DYNC2LI1: variants seen among roughly 807,000 people sequenced by gnomAD.
DYNC2LI1 encodes the protein dynein cytoplasmic 2 light intermediate chain 1.
Under a neutral mutation model 51.9 loss-of-function variants are expected in DYNC2LI1, and 45 were observed. The ratio of observed to expected loss-of-function variants is 0.87; its 90% confidence interval spans 0.68 to 1.11. DYNC2LI1 has a LOEUF of 1.11. Among genes scored for constraint, DYNC2LI1 ranks in the 50% most tolerant of loss-of-function variants. The pLI, the probability that DYNC2LI1 is intolerant of heterozygous loss-of-function variation, is 0.00. For missense variants in DYNC2LI1, 490 were observed against 417.4 expected (o/e 1.17, Z -1.51); for synonymous variants, 130 against 137.8 (o/e 0.94, Z 0.40).
chr2:43,824,436 A>G, the DYNC2LI1 span: 1 of 1,613,572 alleles, frequency 6.2e-7, no homozygotes, highest in African/African-American at 1.3e-5. Flanking sequence ...AGGTCCACTA[A>G]AAGTTTTTCC....
chr2:43,803,915 T>C (rs1001884804), intron 10 of DYNC2LI1, among the ~76,000 whole-genome samples: 2 of 152,312 alleles, frequency 1.3e-5, no homozygotes, highest in Admixed American at 1.3e-4. Context: ...AAGTAACACA[T>C]AAAGATATCT....
At chr2:43,792,491 A>G (rs1022980665) in intron 5 of DYNC2LI1, among the ~76,000 whole-genome samples, 6 of 152,172 alleles carry the variant, frequency 3.9e-5, no homozygotes, top group Non-Finnish European at 5.9e-5. Flanking sequence ...ATACTCCTAG[A>G]TTTACAAATG....
chr2:43,794,543 G>A lies in DYNC2LI1; in HGVS notation c.407G>A (p.Ser136Asn), dbSNP rs1362100213. The change falls in exon 6 of 13, where the codon AGC (serine) becomes AAC (asparagine). Residue 136 changes from serine (S) to asparagine (N), a missense_variant. Transcript: ENST00000260605. ...GAAAATCTCTTGCAAGCCACAAAAAGCCATGTAGACAAAGTGATAATGAAA... is the reference window on the plus strand; with the variant it reads ...GAAAATCTCTTGCAAGCCACAAAAAACCATGTAGACAAAGTGATAATGAAA... ...TMENLLQATK[S>N]HVDKVIMKLG... 2.5e-6 allele frequency: 4 copies of A among 1,613,902 alleles called. No individual in the cohort carries two copies. Among genetic ancestry groups the A allele is most frequent in the African/African-American group, 2.7e-5 (2 of 74,906 alleles).
At chr2:43,804,585 TG>T in intron 10 of DYNC2LI1, 56 bp from the exon 11 acceptor site, 1 of 1,087,796 alleles carries the variant, frequency 9.2e-7, no homozygotes, top group Non-Finnish European at 1.3e-6. Flanking sequence ...CTTTTATTGG[TG>T]GAGTTTGTAA....
chr2:43,783,518 A>G lies in DYNC2LI1; in HGVS notation c.127-2A>G. 1 of 1,531,456 alleles carries G rather than the reference A, an allele frequency of 6.5e-7. No homozygotes were observed. The highest frequency in any genetic ancestry group is 1.3e-5 in the South Asian group (1 of 77,234). The allele number at this position is 1,531,456 out of a possible 1,614,324, so 94.9% of individuals were successfully genotyped here. A position where few individuals can be genotyped will look rare whatever the true frequency, so the allele number is the denominator to read the frequency against. On this transcript the variant is annotated splice_acceptor_variant, in intron 2 of 12. Transcript: ENST00000260605. LOFTEE classifies it high-confidence loss of function. Reference sequence around the variant, plus strand: ...CAGTGTTCCTTCTTTTTTAATTTCCAGGGAAAGACTACTATTATTCTAAGG... The same window carrying G: ...CAGTGTTCCTTCTTTTTTAATTTCCGGGGAAAGACTACTATTATTCTAAGG...
the DYNC2LI1 span, chr2:43,822,531 C>T: frequency 2.0e-6 from 2 of 981,728 alleles, no homozygotes; most frequent in East Asian, 1.2e-4. Context: ...TCTTCTCTGG[C>T]CCAGGCCCTG....
At chr2:43,798,703 TG>T (rs1372647587) in intron 8 of DYNC2LI1, among the ~76,000 whole-genome samples, 1 of 152,220 alleles carries the variant, frequency 6.6e-6, no homozygotes, top group African/African-American at 2.4e-5. Context: ...ACTTTGAGAA[TG>T]GCTTCATCTC....
the DYNC2LI1 span, among the ~76,000 whole-genome samples, chr2:43,822,323 T>C: frequency 6.6e-6 from 1 of 152,154 alleles, no homozygotes; most frequent in South Asian, 2.1e-4. Flanking sequence ...TGAAACTCTC[T>C]CCTTCCTCAT....
the DYNC2LI1 span, among the ~76,000 whole-genome samples, chr2:43,825,701 G>A: frequency 1.3e-5 from 2 of 150,828 alleles, no homozygotes; most frequent in East Asian, 4.0e-4. Context: ...CAACCTCCTG[G>A]GTTCAAGCGA....
chr2:43,802,966 A>G (rs1415985005), intron 10 of DYNC2LI1, among the ~76,000 whole-genome samples: 1 of 152,218 alleles, frequency 6.6e-6, no homozygotes, highest in East Asian at 1.9e-4. Context: ...AACCACAATG[A>G]AATATCACTA....
rs4952683 is a variant in DYNC2LI1 at position 43,809,661 on chromosome 2, A to G, written c.994-44A>G. ...CAGTTTTAAGGTGCCTCCTTGAATT[A>G]GTAAAGTTGATTTTTCTTAAAGTGA... On this transcript the variant is annotated intron_variant, in intron 12 of 12. Coordinates refer to ENST00000260605, the MANE Select transcript of DYNC2LI1 (RefSeq NM_016008.4). 0.21 allele frequency: 305,792 copies of G among 1,439,108 alleles called. 35,432 individuals are homozygous for G. Among genetic ancestry groups the G allele is most frequent in the African/African-American group, 0.41 (28,805 of 70,648 alleles). 89.1% of individuals were successfully genotyped at this position (1,439,108 alleles called of 1,614,324 possible).
intron 8 of DYNC2LI1, among the ~76,000 whole-genome samples, chr2:43,799,041 C>T (rs980087948): frequency 6.6e-6 from 1 of 152,072 alleles, no homozygotes; most frequent in African/African-American, 2.4e-5. Flanking sequence ...GTAGCTCTTG[C>T]CTCTAATCTC....
intron 2 of DYNC2LI1, among the ~76,000 whole-genome samples, chr2:43,779,531 G>A (rs1047786911): frequency 6.6e-6 from 1 of 152,214 alleles, no homozygotes; most frequent in Admixed American, 6.5e-5. Context: ...GAAGCAACTT[G>A]TGTATCAGGA....
intron 2 of DYNC2LI1, 103 bp from the exon 3 acceptor site, chr2:43,783,417 T>A (rs1051338589): frequency 6.8e-6 from 6 of 877,878 alleles, no homozygotes; most frequent in Non-Finnish European, 1.1e-5. Flanking sequence ...TAATTTATCA[T>A]TCAATTGATT....
chr2:43,801,493 TG>T (rs1343533838), intron 9 of DYNC2LI1, 145 bp from the exon 10 acceptor site: 1 of 515,992 alleles, frequency 1.9e-6, no homozygotes, highest in African/African-American at 2.0e-5. Flanking sequence ...TCACTTAAAT[TG>T]ATAGTCACTC....
intron 7 of DYNC2LI1, 143 bp from the exon 8 acceptor site, chr2:43,796,575 A>G: frequency 1.6e-6 from 1 of 623,458 alleles, no homozygotes; most frequent in East Asian, 2.8e-5. Context: ...CTCTCTATGA[A>G]ATAAATATCA....
At chr2:43,823,062 T>G in the DYNC2LI1 span, 8 of 1,308,514 alleles carry the variant, frequency 6.1e-6, no homozygotes, top group Non-Finnish European at 8.6e-6. Flanking sequence ...GGTTCCCTAG[T>G]CATAGAAGGA....
the DYNC2LI1 span, chr2:43,822,694 C>A: frequency 7.1e-7 from 1 of 1,416,320 alleles, no homozygotes. Flanking sequence ...AGTGTAGATC[C>A]TCCAGAGCAG....
chr2:43,800,957 T>C, intron 9 of DYNC2LI1, 40 bp downstream of exon 9: 1 of 1,364,902 alleles, frequency 7.3e-7, no homozygotes, highest in Non-Finnish European at 1.0e-6. Flanking sequence ...ATTGAGTGAT[T>C]GATTTAGCCA....
Sources: allele counts gnomAD v4.1 joint callset (sites outside exome capture counted in the v4.1 genomes callset), GRCh38; gene constraint gnomAD v4.1.1; transcripts MANE v1.5; gene names NCBI Gene and HGNC (gene_info 2026-07-23, HGNC 2026-07-21).